Variants in CD101 observed in about 807,000 individuals in gnomAD.
The protein encoded by CD101 is CD101 molecule, also known as immunoglobulin superfamily member 2.
CD101 carries 76 observed loss-of-function variants against 98.2 expected under a neutral mutation model. The observed-to-expected ratio is 0.77, with a 90% CI of 0.64 to 0.94. CD101 has a LOEUF of 0.94. CD101 is among the 40% of genes least tolerant of loss of function. The pLI is 0.00. For missense variants in CD101, 1,145 were observed against 1,218.8 expected (o/e 0.94, Z 0.90); for synonymous variants, 471 against 472.7 (o/e 1.00, Z 0.05).
chr1:117,030,445 GAAAGAAAGA>G (rs747077022), intron 8 of CD101, among the ~76,000 whole-genome samples: 5 of 150,148 alleles, frequency 3.3e-5, no homozygotes, highest in East Asian at 1.9e-4. Context: ...GAAAGAAAGA[GAAAGAAAGA>G]AAAGAAAGAA....
At chr1:117,035,295 C>T (rs982461948) in intron 9 of CD101, among the ~76,000 whole-genome samples, 9 of 152,160 alleles carry the variant, frequency 5.9e-5, no homozygotes, top group Non-Finnish European at 1.2e-4. Context: ...ATTTGCATTT[C>T]CAAGGAGAGC....
Position 117,018,027 on chromosome 1 carries a change from A to G in CD101, c.1613-129A>G. 1 of 908,742 alleles carries G rather than the reference A, an allele frequency of 1.1e-6. No homozygotes were observed. The highest frequency in any genetic ancestry group is 1.6e-6 in the Non-Finnish European group (1 of 620,252). The allele number at this position is 908,742 out of a possible 1,614,324, so 56.3% of individuals were successfully genotyped here. On this transcript the variant is annotated intron_variant, in intron 5 of 9. Coordinates refer to ENST00000682167, the MANE Select transcript of CD101 (RefSeq NM_001256106.3). The surrounding 1 kb of genome is among the most constrained non-coding windows in gnomAD (Gnocchi z 4.3). ...TGTACTGGGAATCAATTTCTACTCT[A>G]TAAAATAGGAAACTCCAAATGTACA...
intron 3 of CD101, 79 bp from the exon 4 acceptor site, chr1:117,013,327 G>A: frequency 7.0e-7 from 1 of 1,434,920 alleles, no homozygotes; most frequent in Non-Finnish European, 9.4e-7. Flanking sequence ...CATCCTTACA[G>A]AGGGTGTCAT....
At chr1:117,030,237 G>C (rs759988556) in intron 8 of CD101, among the ~76,000 whole-genome samples, 1 of 152,034 alleles carries the variant, frequency 6.6e-6, no homozygotes, top group Non-Finnish European at 1.5e-5. Flanking sequence ...TTAAAAATTA[G>C]ACACATGGTT....
At chr1:117,024,709 T>C (rs2101144266) in intron 7 of CD101, among the ~76,000 whole-genome samples, 1 of 152,316 alleles carries the variant, frequency 6.6e-6, no homozygotes, top group Admixed American at 6.5e-5. Flanking sequence ...GATGGCCTTC[T>C]AACACTTGCA....
chr1:117,033,671 C>T lies in CD101; in HGVS notation c.2825-189C>T, dbSNP rs1386558497. Among the ~76,000 whole-genome samples the T allele has an allele frequency of 6.6e-6, 1 of 152,126 alleles. No homozygotes were observed. The highest frequency in any genetic ancestry group is 2.4e-5 in the African/African-American group (1 of 41,426). ...GCAAGGGGCTGTTGCATTAGAAGAG[C>T]CTGTTCCAGGAGCTCTCTTCCCCCA... On this transcript the variant is annotated intron_variant, in intron 8 of 9. Transcript: ENST00000682167. The surrounding 1 kb of genome is among the most constrained non-coding windows in gnomAD (Gnocchi z 4.8).
chr1:117,025,846 G>A lies in CD101; in HGVS notation c.2766G>A (p.Lys922=), dbSNP rs769421610. The A allele has an allele frequency of 6.2e-7, 1 of 1,614,136 alleles. No homozygotes were observed. The highest frequency in any genetic ancestry group is 1.1e-5 in the South Asian group (1 of 91,078). The stretch of plus-strand genomic sequence containing the variant: ...GGCAGCTCCATGGACACCCAAGCAA[G>A]TGGATTAATCAAGCATCCGATGAGT... ...AEWQLHGHPS[K]WINQASDESQ... The change falls in exon 8 of 10, where the codon AAG becomes AAA. Residue 922 remains lysine (K), a synonymous_variant. Coordinates refer to ENST00000682167, the MANE Select transcript of CD101 (RefSeq NM_001256106.3).
Position 117,018,023 on chromosome 1 carries a change from C to A in CD101, c.1613-133C>A. ...AGACTGTACTGGGAATCAATTTCTA[C>A]TCTATAAAATAGGAAACTCCAAATG... On this transcript the variant is annotated intron_variant, in intron 5 of 9. Coordinates refer to ENST00000682167, the MANE Select transcript of CD101 (RefSeq NM_001256106.3). This position sits in a 1 kb window ranked among gnomAD's most constrained non-coding sequence, Gnocchi z 4.3. 1.1e-6 allele frequency: 1 copy of A among 871,938 alleles called. No homozygotes were observed. The highest frequency in any genetic ancestry group is 2.7e-5 in the East Asian group (1 of 37,236). The allele number at this position is 871,938 out of a possible 1,614,324, so 54.0% of individuals were successfully genotyped here.
intron 4 of CD101, among the ~76,000 whole-genome samples, chr1:117,014,290 C>A (rs921252875): frequency 6.6e-6 from 1 of 151,332 alleles, no homozygotes; most frequent in Non-Finnish European, 1.5e-5. Context: ...AATGAACACC[C>A]GTGTTATCCT....
chr1:117,006,813 C>G lies in CD101; in HGVS notation c.44-3037C>G, dbSNP rs764634568. The stretch of plus-strand genomic sequence containing the variant: ...TATCCACTTGATTGGATTATGAAAT[C>G]CAGAAGTCAGAATCTAGCCTAAATT... On this transcript the variant is annotated intron_variant, in intron 1 of 9. Coordinates refer to ENST00000682167, the MANE Select transcript of CD101 (RefSeq NM_001256106.3). This position sits in a 1 kb window ranked among gnomAD's most constrained non-coding sequence, Gnocchi z 4.4. 7.2e-5 allele frequency among the ~76,000 whole-genome samples: 11 copies of G among 152,088 alleles called. No homozygotes were observed. The highest frequency in any genetic ancestry group is 1.3e-4 in the Non-Finnish European group (9 of 68,014).
intron 2 of CD101, among the ~76,000 whole-genome samples, chr1:117,011,030 C>G (rs1330031210): frequency 6.6e-6 from 1 of 152,088 alleles, no homozygotes; most frequent in East Asian, 1.9e-4. Flanking sequence ...TTTAGGAAAA[C>G]AAGAATGGTA....
At position 117,021,734 on chromosome 1, in the gene CD101, A is replaced by T; in HGVS notation, c.2179A>T (p.Ile727Phe). Residue 727 changes from isoleucine to phenylalanine, a missense_variant, in exon 7 of 10, where the codon ATC becomes TTC. Physicochemically the swap from Ile to Phe is conservative, Grantham distance 21. Coordinates refer to ENST00000682167, the MANE Select transcript of CD101 (RefSeq NM_001256106.3). The surrounding 1 kb of genome is among the most constrained non-coding windows in gnomAD (Gnocchi z 4.7). ...TTCCACTAATGCCTCTTGGCTAAAG[A>T]TCCTGGAGATGGACCAAACCAATGT... ...PVSTNASWLK[I>F]LEMDQTNVIK... is the part of the protein sequence containing the mutation. 2 of 1,614,158 alleles carry T rather than the reference A, an allele frequency of 1.2e-6. No individual in the cohort carries two copies. Among genetic ancestry groups the T allele is most frequent in the South Asian group, 2.2e-5 (2 of 91,074 alleles).
At chr1:117,020,433 A>G (rs1653510697) in intron 6 of CD101, among the ~76,000 whole-genome samples, 3 of 152,114 alleles carry the variant, frequency 2.0e-5, no homozygotes, top group Admixed American at 2.0e-4. Context: ...AGTCCCAGCT[A>G]CTCAGGAGGC....
chr1:117,033,716 T>C lies in CD101; in HGVS notation c.2825-144T>C. The stretch of plus-strand genomic sequence containing the variant: ...CCCCCAGTGCTCTGTCCTGTGCTCC[T>C]CATGATTTCAGGGGCCCACTGCTAT... On this transcript the variant is annotated intron_variant, in intron 8 of 9. Transcript: ENST00000682167. This position sits in a 1 kb window ranked among gnomAD's most constrained non-coding sequence, Gnocchi z 4.8. 9.6e-7 allele frequency: 1 copy of C among 1,036,754 alleles called. No homozygotes were observed. The highest frequency in any genetic ancestry group is 1.4e-6 in the Non-Finnish European group (1 of 716,914). The allele number at this position is 1,036,754 out of a possible 1,614,324, so 64.2% of individuals were successfully genotyped here. A position where few individuals can be genotyped will look rare whatever the true frequency, so the allele number is the denominator to read the frequency against.
rs117050713 is a variant in CD101, at chr1:117,011,789, G to A, written c.664G>A (p.Val222Ile). Residue 222 changes from valine (V) to isoleucine (I), a missense_variant, in exon 3 of 10, where the codon GTA becomes ATA. Transcript: ENST00000682167. ...LYTERFAASD[V>I]QLNKLGPTTF... ...TACAGAGCGGTTTGCAGCCAGTGAC[G>A]TACAGCTCAACAAACTGGGACCCAC... 76 of 1,614,096 alleles carry A rather than the reference G, an allele frequency of 4.7e-5. No individual in the cohort carries two copies. Among genetic ancestry groups the A allele is most frequent in the East Asian group, 2.0e-4 (9 of 44,864 alleles).
At chr1:117,017,580 CCCTAGGACA>C (rs1653317504) in intron 5 of CD101, 107 bp downstream of exon 5, 1 of 1,107,352 alleles carries the variant, frequency 9.0e-7, no homozygotes, top group African/African-American at 1.6e-5. Context: ...GGTATGTGTA[CCCTAGGACA>C]CAGAGCTAGT....
In CD101 at chr1:117,017,379, T is replaced by C. The variant is rs1653298642; in HGVS notation, c.1518T>C (p.Ser506=). The C allele has an allele frequency of 3.7e-6, 6 of 1,614,212 alleles. No individual in the cohort carries two copies. Among genetic ancestry groups the C allele is most frequent in the Non-Finnish European group, 5.1e-6 (6 of 1,180,018 alleles). ...LEITFTAITD[S]GTYECRVSEK... is the part of the protein sequence containing the mutation. ...TCACCTTCACTGCCATCACAGACAG[T>C]GGCACATATGAGTGCAGAGTATCTG... The change falls in exon 5 of 10, where the codon AGT becomes AGC. Residue 506 remains serine (S), a synonymous_variant. Transcript: ENST00000682167.
rs773163352 is a variant in CD101, at chr1:117,011,935, C to T, written c.810C>T (p.Thr270=). ...GGATGTTCATCACCAAAAAGCAGAC[C>T]GATCAAACCACTCTGAGGATCCAGC... The part of the protein sequence containing the change: ...ETWMFITKKQ[T]DQTTLRIQPA... Residue 270 remains threonine (T), a synonymous_variant, in exon 3 of 10, where the codon ACC becomes ACT. Transcript: ENST00000682167. 34 of 1,613,604 alleles carry T rather than the reference C, an allele frequency of 2.1e-5. No individual in the cohort carries two copies. The highest frequency in any genetic ancestry group is 2.1e-4 in the South Asian group (19 of 91,056).
In CD101 at chr1:117,036,501, C is replaced by T. The variant is rs1225852034; in HGVS notation, c.*367C>T. 1 of 150,974 alleles carries T rather than the reference C, an allele frequency of 6.6e-6. No individual in the cohort carries two copies. The highest frequency in any genetic ancestry group is 1.5e-5 in the Non-Finnish European group (1 of 68,012). 9.4% of individuals were successfully genotyped at this position (150,974 alleles called of 1,614,324 possible). Reference sequence around the variant, plus strand: ...CTTTGGAGAGTATTCCCAGCGCTCTCCTTGCTTGTGACAAGTAAAAAAAAA... The same window carrying T: ...CTTTGGAGAGTATTCCCAGCGCTCTTCTTGCTTGTGACAAGTAAAAAAAAA... On this transcript the variant is annotated 3_prime_UTR_variant, in exon 10 of 10. Coordinates refer to ENST00000682167, the MANE Select transcript of CD101 (RefSeq NM_001256106.3). This position sits in a 1 kb window ranked among gnomAD's most constrained non-coding sequence, Gnocchi z 5.0.
Sources: gnomAD v4.1 joint callset for allele counts (sites outside exome capture counted in the v4.1 genomes callset) on GRCh38, gnomAD v4.1.1 for gene constraint, Gnocchi (gnomAD v3.1) non-coding constraint, MANE v1.5 for transcripts, NCBI Gene and HGNC (gene_info 2026-07-23, HGNC 2026-07-21) for gene names.